Variants in USP48 observed in about 807,000 individuals in gnomAD.
USP48 encodes ubiquitin carboxyl-terminal hydrolase 48.
A neutral mutation model predicts 150.7 loss-of-function variants in USP48; 43 were observed. The observed-to-expected ratio is 0.29, with a 90% CI of 0.22 to 0.37. The LOEUF is 0.37. Among genes scored for constraint, USP48 ranks in the 10% least tolerant of loss-of-function variants. The pLI, the probability that USP48 is intolerant of heterozygous loss-of-function variation, is 1.00. For synonymous variants in USP48, 396 were observed against 425.9 expected (o/e 0.93, Z 0.86); for missense variants, 813 against 1,249.6 (o/e 0.65, Z 5.27).
chr1:21,683,901 C>T (rs988073440), intron 25 of USP48, among the ~76,000 whole-genome samples: 1 of 152,164 alleles, frequency 6.6e-6, no homozygotes, highest in Non-Finnish European at 1.5e-5. Context: ...CTGAGCCTGG[C>T]TTATTTCACT....
chr1:21,685,673 T>C (rs890449482), intron 25 of USP48, among the ~76,000 whole-genome samples: 2 of 152,228 alleles, frequency 1.3e-5, no homozygotes, highest in Non-Finnish European at 1.5e-5. Flanking sequence ...CTGCTAATTT[T>C]TGTATGTTGA....
chr1:21,711,315 T>G (rs1384591545), intron 15 of USP48, among the ~76,000 whole-genome samples: 1 of 152,046 alleles, frequency 6.6e-6, no homozygotes, highest in Non-Finnish European at 1.5e-5. Flanking sequence ...TTACAAAAAA[T>G]GAGAGAAGGG....
chr1:21,782,989 G>GACCGCCGCAGCCGCCGCCGCGGTCTGC lies in USP48; in HGVS notation c.-59_-33dup. The GACCGCCGCAGCCGCCGCCGCGGTCTGC allele has an allele frequency of 6.7e-7, 1 of 1,495,590 alleles. No homozygotes were observed. Among genetic ancestry groups the GACCGCCGCAGCCGCCGCCGCGGTCTGC allele is most frequent in the Non-Finnish European group, 8.8e-7 (1 of 1,130,174 alleles). The allele number at this position is 1,495,590 out of a possible 1,614,324, so 92.6% of individuals were successfully genotyped here. A position where few individuals can be genotyped will look rare whatever the true frequency, so the allele number is the denominator to read the frequency against. ...GGCCCCAGGAACGCCTCCCGAGCCA[G>GACCGCCGCAGCCGCCGCCGCGGTCTGC]ACCGCCGCAGCCGCCGCCGCGGTCT... On this transcript the variant is annotated 5_prime_UTR_variant, in exon 1 of 27. Coordinates refer to ENST00000308271, the MANE Select transcript of USP48 (RefSeq NM_032236.8).
intron 22 of USP48, among the ~76,000 whole-genome samples, chr1:21,698,487 C>T (rs896513217): frequency 2.0e-5 from 3 of 152,028 alleles, no homozygotes; most frequent in African/African-American, 7.2e-5. Flanking sequence ...ATGAATAAAA[C>T]TAGACCACCA....
At chr1:21,763,179 G>A (rs1438175588) in intron 1 of USP48, among the ~76,000 whole-genome samples, 2 of 152,196 alleles carry the variant, frequency 1.3e-5, no homozygotes, top group African/African-American at 4.8e-5. Context: ...TGTATTATTA[G>A]GCCCCACAAC....
At chr1:21,701,381 A>T in intron 22 of USP48, 117 bp downstream of exon 22, 1 of 709,582 alleles carries the variant, frequency 1.4e-6, no homozygotes, top group Non-Finnish European at 2.2e-6. Context: ...AAAAAAAAAA[A>T]GAAAAAAAAA....
At chr1:21,725,700 C>T (rs1038188421) in intron 11 of USP48, among the ~76,000 whole-genome samples, 2 of 151,000 alleles carry the variant, frequency 1.3e-5, no homozygotes, top group African/African-American at 4.9e-5. Context: ...TTGTGGTGAG[C>T]TGACATTGCA....
At chr1:21,691,484 A>G (rs1168731860) in intron 23 of USP48, among the ~76,000 whole-genome samples, 2 of 152,008 alleles carry the variant, frequency 1.3e-5, no homozygotes, top group Non-Finnish European at 2.9e-5. Flanking sequence ...AAATACAAAA[A>G]TTTAGCTGGG....
chr1:21,742,654 A>T (rs573465032), intron 8 of USP48, among the ~76,000 whole-genome samples: 2 of 152,318 alleles, frequency 1.3e-5, no homozygotes, highest in African/African-American at 4.8e-5. Flanking sequence ...AATAAAAAGG[A>T]GGGAGATGTG....
chr1:21,733,626 A>G (rs1476570501), intron 9 of USP48, among the ~76,000 whole-genome samples: 1 of 152,184 alleles, frequency 6.6e-6, no homozygotes, highest in African/African-American at 2.4e-5. Flanking sequence ...TGAGATACCA[A>G]TGGGTGTTAA....
intron 15 of USP48, among the ~76,000 whole-genome samples, chr1:21,713,343 A>G (rs2152532203): frequency 6.6e-6 from 1 of 152,224 alleles, no homozygotes; most frequent in East Asian, 1.9e-4. Context: ...TCTTGGACTC[A>G]AGTGATCCTC....
At chr1:21,721,945 C>A (rs1326145689) in intron 12 of USP48, among the ~76,000 whole-genome samples, 181 bp from the exon 13 acceptor site, 1 of 151,934 alleles carries the variant, frequency 6.6e-6, no homozygotes, top group African/African-American at 2.4e-5. Context: ...ACCAAGACGG[C>A]AATACTGTTA....
At chr1:21,708,554 A>T (rs1268079899) in intron 15 of USP48, among the ~76,000 whole-genome samples, 1 of 151,950 alleles carries the variant, frequency 6.6e-6, no homozygotes, top group Non-Finnish European at 1.5e-5. Flanking sequence ...AGCTCATTCG[A>T]ACCCCATAAT....
intron 1 of USP48, among the ~76,000 whole-genome samples, chr1:21,777,409 T>C (rs1463493759): frequency 6.6e-6 from 1 of 151,758 alleles, no homozygotes; most frequent in Admixed American, 6.6e-5. Flanking sequence ...GGTTCACACC[T>C]GTAATCCCAG....
intron 1 of USP48, among the ~76,000 whole-genome samples, chr1:21,782,503 G>A (rs771970760): frequency 6.6e-6 from 1 of 152,296 alleles, no homozygotes; most frequent in East Asian, 1.9e-4. Context: ...TTTTACAAAC[G>A]AAAGAGCCGT....
At chr1:21,738,310 G>A (rs527695867) in intron 8 of USP48, among the ~76,000 whole-genome samples, 25 of 149,838 alleles carry the variant, frequency 1.7e-4, no homozygotes, top group Admixed American at 4.7e-4. Context: ...CATCTGCCTC[G>A]GCCTCCCAAA....
intron 15 of USP48, among the ~76,000 whole-genome samples, chr1:21,708,505 A>AAAACAAAC (rs112365417): frequency 5.4e-5 from 8 of 149,090 alleles, no homozygotes; most frequent in African/African-American, 1.5e-4. Flanking sequence ...TCAAAAAACA[A>AAAACAAAC]AAACAAACAA....
At chr1:21,741,777 A>G (rs2152567497) in intron 8 of USP48, among the ~76,000 whole-genome samples, 1 of 152,284 alleles carries the variant, frequency 6.6e-6, no homozygotes, top group African/African-American at 2.4e-5. Context: ...TAAGTCCGAA[A>G]CCAGCCTGGG....
At chr1:21,687,291 A>G in intron 24 of USP48, 52 bp from the exon 25 acceptor site, 1 of 1,533,862 alleles carries the variant, frequency 6.5e-7, no homozygotes, top group Non-Finnish European at 9.0e-7. Context: ...GGAGTCTGAA[A>G]TTTGAAGTAT....
Sources: allele counts gnomAD v4.1 joint callset (sites outside exome capture counted in the v4.1 genomes callset), GRCh38; gene constraint gnomAD v4.1.1; transcripts MANE v1.5; gene names NCBI Gene and HGNC (gene_info 2026-07-23, HGNC 2026-07-21).